The following SGCZ variants were observed in gnomAD, a reference collection of about 807,000 sequenced individuals.
SGCZ encodes sarcoglycan zeta.
SGCZ carries 40 observed loss-of-function variants against 41.3 expected under a neutral mutation model. The observed-to-expected ratio is 0.97, with a 90% confidence interval of 0.75 to 1.26. The LOEUF (loss-of-function observed/expected upper bound fraction) is 1.26. SGCZ is among the 50% of genes most tolerant of loss of function. SGCZ has a pLI of 0.00. For synonymous variants in SGCZ, 206 were observed against 137.5 expected, an observed-to-expected ratio of 1.50 and a Z score of -3.49; for missense variants, 552 against 369.8, an observed-to-expected ratio of 1.49 and a Z score of -4.04.
At chr8:14,159,723 C>T (rs1312899007) in intron 5 of SGCZ, among the ~76,000 whole-genome samples, 2 of 152,086 alleles carry the variant, frequency 1.3e-5, no homozygotes, top group Admixed American at 6.6e-5. Flanking sequence ...ATCCTGCTGC[C>T]GGAGTGTTAC....
chr8:14,682,800 G>C lies in SGCZ; in HGVS notation c.40-127874C>G, dbSNP rs556624578. On this transcript the variant is annotated intron_variant, in intron 1 of 7. Coordinates refer to ENST00000382080, the MANE Select transcript of SGCZ (RefSeq NM_139167.4). ...TACTTTACCTTAAACACTCAGTTTT[G>C]AAATCTAAATAGCCATTTGAATTTC... Among the ~76,000 whole-genome samples, 7 of 152,252 alleles carry C rather than the reference G, an allele frequency of 4.6e-5. 1 individual carries two copies. In the South Asian group the frequency reaches 1.5e-3, roughly 32 times the overall value.
At chr8:14,784,977 T>TA (rs1800720431) in intron 1 of SGCZ, among the ~76,000 whole-genome samples, 1 of 142,182 alleles carries the variant, frequency 7.0e-6, no homozygotes, top group Non-Finnish European at 1.5e-5. Context: ...AATATATATA[T>TA]TTTTTATATA....
intron 1 of SGCZ, among the ~76,000 whole-genome samples, chr8:14,757,977 T>C (rs1297598459): frequency 7.2e-5 from 11 of 152,202 alleles, no homozygotes; most frequent in African/African-American, 2.7e-4. Flanking sequence ...AAGCATGTTA[T>C]GCATATATGT....
chr8:14,820,013 C>A (rs1276896825), intron 1 of SGCZ, among the ~76,000 whole-genome samples: 1 of 151,964 alleles, frequency 6.6e-6, no homozygotes. Flanking sequence ...AACTCCTTAT[C>A]TGTCAAAAAC....
chr8:14,243,895 G>A (rs1263877870), intron 3 of SGCZ, among the ~76,000 whole-genome samples: 1 of 152,108 alleles, frequency 6.6e-6, no homozygotes, highest in East Asian at 1.9e-4. Flanking sequence ...AATCATTCAT[G>A]TGATTTGTAA....
At chr8:14,227,047 A>G (rs926215547) in intron 4 of SGCZ, among the ~76,000 whole-genome samples, 2 of 152,082 alleles carry the variant, frequency 1.3e-5, no homozygotes, top group African/African-American at 2.4e-5. Flanking sequence ...TGATTCAATT[A>G]GTAGCTCACA....
intron 2 of SGCZ, among the ~76,000 whole-genome samples, chr8:14,529,004 C>T (rs931645342): frequency 5.3e-5 from 8 of 151,986 alleles, no homozygotes; most frequent in Non-Finnish European, 1.0e-4. Flanking sequence ...CCAAAAATGG[C>T]TTATGATCCT....
chr8:14,667,470 A>C (rs1807946228), intron 1 of SGCZ, among the ~76,000 whole-genome samples: 1 of 152,174 alleles, frequency 6.6e-6, no homozygotes, highest in African/African-American at 2.4e-5. Context: ...TTGTCGTACC[A>C]CACCAAATTA....
In SGCZ at chr8:14,334,200, T is replaced by C. The variant is rs1321212448; in HGVS notation, c.235-9996A>G. Among the ~76,000 whole-genome samples the C allele has an allele frequency of 2.6e-5, 4 of 151,986 alleles. No homozygotes were observed. The South Asian group carries it at 8.3e-4, about 32-fold the overall frequency. On this transcript the variant is annotated intron_variant, in intron 2 of 7. Transcript: ENST00000382080. ...TACCCTACCAAAGCACTCCTTAGGG[T>C]AAAGCCTTTTATAGGAATTTCTTCT... is the stretch of plus-strand genomic sequence containing the variant.
intron 1 of SGCZ, among the ~76,000 whole-genome samples, chr8:15,151,393 C>T (rs148395204): frequency 6.6e-6 from 1 of 152,152 alleles, no homozygotes; most frequent in Non-Finnish European, 1.5e-5. Flanking sequence ...CAATAGATTA[C>T]AAATACATAA....
At chr8:14,756,541 C>T (rs142571371) in intron 1 of SGCZ, among the ~76,000 whole-genome samples, 1 of 152,104 alleles carries the variant, frequency 6.6e-6, no homozygotes, top group East Asian at 1.9e-4. Flanking sequence ...GCAGATGACT[C>T]TAATATGTTT....
chr8:15,043,188 A>G (rs1362538645), intron 1 of SGCZ, among the ~76,000 whole-genome samples: 3 of 152,166 alleles, frequency 2.0e-5, no homozygotes, highest in African/African-American at 7.2e-5. Flanking sequence ...CATTTCTTTA[A>G]TCAGCTAGTA....
chr8:15,128,025 T>C (rs748853148), intron 1 of SGCZ, among the ~76,000 whole-genome samples: 8 of 152,210 alleles, frequency 5.3e-5, no homozygotes, highest in Non-Finnish European at 1.2e-4. Flanking sequence ...GTTCATGATG[T>C]ACTATGCTAT....
At chr8:15,022,919 G>A (rs1803310700) in intron 1 of SGCZ, among the ~76,000 whole-genome samples, 1 of 152,188 alleles carries the variant, frequency 6.6e-6, no homozygotes, top group South Asian at 2.1e-4. Flanking sequence ...CAGCCAGTGT[G>A]TGGCAGAACC....
At chr8:14,624,663 C>T (rs1563161551) in intron 1 of SGCZ, among the ~76,000 whole-genome samples, 3 of 144,208 alleles carry the variant, frequency 2.1e-5, no homozygotes, top group Admixed American at 1.4e-4. Flanking sequence ...CTCCGCCTCC[C>T]GGGGTCAAGT....
chr8:14,260,907 T>C (rs1477021830), intron 3 of SGCZ, among the ~76,000 whole-genome samples: 1 of 151,864 alleles, frequency 6.6e-6, no homozygotes. Context: ...TGAGATCACA[T>C]GGACACAGGA....
chr8:14,790,518 C>T (rs1800916403), intron 1 of SGCZ, among the ~76,000 whole-genome samples: 2 of 152,032 alleles, frequency 1.3e-5, no homozygotes, highest in Admixed American at 6.6e-5. Flanking sequence ...TAGTCCAAAA[C>T]ATTTGTTAAC....
In SGCZ at chr8:14,782,401, T is replaced by A. The variant is rs184082173; in HGVS notation, c.40-227475A>T. On this transcript the variant is annotated intron_variant, in intron 1 of 7. Coordinates refer to ENST00000382080, the MANE Select transcript of SGCZ (RefSeq NM_139167.4). Reference sequence around the variant, plus strand: ...TCTGTTTTGTTTTGTCTTGTTTTGTTTTTCTTTTTGTTCATGTATCTGTGT... The same window carrying A: ...TCTGTTTTGTTTTGTCTTGTTTTGTATTTCTTTTTGTTCATGTATCTGTGT... Among the ~76,000 whole-genome samples the A allele has an allele frequency of 2.3e-3, 351 of 152,314 alleles. 1 individual carries two copies. The highest frequency in any genetic ancestry group is 7.7e-3 in the African/African-American group (321 of 41,572).
At chr8:14,445,194 C>T (rs778343046) in intron 2 of SGCZ, among the ~76,000 whole-genome samples, 8 of 152,310 alleles carry the variant, frequency 5.3e-5, no homozygotes, top group South Asian at 2.1e-4. Context: ...CAGATTAGGA[C>T]GGGTCCCCAG....
Sources: gnomAD v4.1 joint callset for allele counts (sites outside exome capture counted in the v4.1 genomes callset) on GRCh38, gnomAD v4.1.1 for gene constraint, MANE v1.5 for transcripts, NCBI Gene and HGNC (gene_info 2026-07-23, HGNC 2026-07-21) for gene names.